Variants in DPYD observed in about 807,000 individuals in gnomAD.
DPYD encodes dihydropyrimidine dehydrogenase, also known as dihydropyrimidine dehydrogenase [NADP(+)].
In DPYD, 109 loss-of-function variants were observed where a neutral mutation model predicts 116.2. That is an observed-to-expected ratio of 0.94 (90% CI 0.80 to 1.10). The LOEUF (loss-of-function observed/expected upper bound fraction) is 1.10. Among genes scored for constraint, DPYD ranks in the 50% least tolerant of loss-of-function variants. DPYD has a pLI of 0.00. For synonymous variants in DPYD, 440 were observed against 432.0 expected (o/e 1.02, Z -0.23); for missense variants, 1,302 against 1,254.5 (o/e 1.04, Z -0.57).
At chr1:97,664,205 G>A (rs969205156) in intron 8 of DPYD, among the ~76,000 whole-genome samples, 6 of 152,106 alleles carry the variant, frequency 3.9e-5, no homozygotes, top group South Asian at 2.1e-4. Context: ...TTAAGCACAT[G>A]ACTGTTGATA....
At chr1:97,388,141 A>G (rs1442919092) in intron 14 of DPYD, among the ~76,000 whole-genome samples, 2 of 152,120 alleles carry the variant, frequency 1.3e-5, no homozygotes, top group Non-Finnish European at 2.9e-5. Flanking sequence ...AGAAAAGTAG[A>G]AATTAAGAAT....
intron 19 of DPYD, among the ~76,000 whole-genome samples, chr1:97,221,604 A>G (rs1026166830): frequency 1.3e-5 from 2 of 152,066 alleles, no homozygotes; most frequent in African/African-American, 4.8e-5. Context: ...GGTTTTCTAG[A>G]TCTCTAACTT....
chr1:97,615,683 TATC>T (rs1656219805), intron 8 of DPYD, among the ~76,000 whole-genome samples: 1 of 152,168 alleles, frequency 6.6e-6, no homozygotes, highest in Non-Finnish European at 1.5e-5. Context: ...TCTCTGTTGG[TATC>T]ATTCCCCATC....
Position 97,262,746 on chromosome 1 carries a change from C to A in DPYD, c.2300-27752G>T, listed in dbSNP as rs184988403. Among the ~76,000 whole-genome samples, 269 of 151,898 alleles carry A rather than the reference C, an allele frequency of 1.8e-3. 6 individuals carry two copies. Among genetic ancestry groups the A allele is most frequent in the East Asian group, 0.014 (71 of 5,164 alleles). On this transcript the variant is annotated intron_variant, in intron 18 of 22. Transcript: ENST00000370192. ...GGAGGTGAAAATTATAAGACATTTTCTGATAGAGAAGATAATATCAGACTT... is the reference window on the plus strand; with the variant it reads ...GGAGGTGAAAATTATAAGACATTTTATGATAGAGAAGATAATATCAGACTT...
At chr1:97,335,751 A>G (rs75267292) in intron 16 of DPYD, among the ~76,000 whole-genome samples, 4,417 of 152,302 alleles carry the variant, frequency 0.029, 102 homozygotes, top group Middle Eastern at 0.068. Context: ...TTTTAAAATA[A>G]CATATGGGAA....
At chr1:97,619,221 T>C (rs1429400722) in intron 8 of DPYD, among the ~76,000 whole-genome samples, 1 of 152,216 alleles carries the variant, frequency 6.6e-6, no homozygotes, top group East Asian at 1.9e-4. Context: ...ATAAAATATT[T>C]TCCTTTCTTT....
intron 1 of DPYD, among the ~76,000 whole-genome samples, chr1:97,894,813 T>C (rs886929167): frequency 2.0e-5 from 3 of 151,676 alleles, no homozygotes; most frequent in African/African-American, 7.2e-5. Context: ...TTTTAAAATT[T>C]CATTACTTTA....
chr1:97,422,097 G>A (rs1674617224), intron 14 of DPYD, among the ~76,000 whole-genome samples: 1 of 152,050 alleles, frequency 6.6e-6, no homozygotes, highest in Admixed American at 6.6e-5. Context: ...AGTGATATTA[G>A]GAATTAACTT....
intron 18 of DPYD, among the ~76,000 whole-genome samples, chr1:97,261,141 A>G (rs1663846773): frequency 6.6e-6 from 1 of 152,098 alleles, no homozygotes; most frequent in African/African-American, 2.4e-5. Flanking sequence ...ACGTATGACA[A>G]ACACATGACA....
chr1:97,492,277 A>G (rs1025249169), intron 13 of DPYD, among the ~76,000 whole-genome samples: 2 of 152,136 alleles, frequency 1.3e-5, no homozygotes, highest in African/African-American at 4.8e-5. Context: ...CCATAAGGAG[A>G]AACATGCTGC....
chr1:97,429,803 T>C (rs1014633964), intron 14 of DPYD, among the ~76,000 whole-genome samples: 2 of 152,108 alleles, frequency 1.3e-5, no homozygotes, highest in Non-Finnish European at 2.9e-5. Flanking sequence ...CTAAAAGATG[T>C]GCATCTGAAA....
rs533652967 is a variant in DPYD, at chr1:97,133,673, A to G, written c.2623-35041T>C. On this transcript the variant is annotated intron_variant, in intron 20 of 22. Transcript: ENST00000370192. The stretch of plus-strand genomic sequence containing the variant: ...TTGTATGAAAACTTCTATGATACAC[A>G]TTGACCTATTAGGTTACATTTTTTA... Among the ~76,000 whole-genome samples, 14 of 152,062 alleles carry G rather than the reference A, an allele frequency of 9.2e-5. No homozygotes were observed. The South Asian group carries it at 1.7e-3, about 18-fold the overall frequency.
chr1:97,267,183 C>T (rs1664294313), intron 18 of DPYD, among the ~76,000 whole-genome samples: 1 of 152,124 alleles, frequency 6.6e-6, no homozygotes, highest in Admixed American at 6.5e-5. Flanking sequence ...ACATCCTCTC[C>T]AGCATCTGTT....
At chr1:97,413,054 C>T (rs150350672) in intron 14 of DPYD, among the ~76,000 whole-genome samples, 1,956 of 152,270 alleles carry the variant, frequency 0.013, 24 homozygotes, top group South Asian at 0.023. Context: ...TTATCATATG[C>T]TACACTTTTC....
intron 20 of DPYD, among the ~76,000 whole-genome samples, chr1:97,139,450 A>G (rs557789909): frequency 1.3e-5 from 2 of 152,314 alleles, no homozygotes; most frequent in East Asian, 1.9e-4. Context: ...AATAACACTC[A>G]TAAGTTTAGA....
Position 97,216,288 on chromosome 1 carries a change from G to A in DPYD, c.2442+18564C>T, listed in dbSNP as rs974811071. 1.2e-4 allele frequency among the ~76,000 whole-genome samples: 8 copies of A among 64,948 alleles called. No individual in the cohort carries two copies. In the East Asian group the frequency reaches 0.043, roughly 353 times the overall value. 42.6% of individuals were successfully genotyped at this position (64,948 alleles called of 152,430 possible). On this transcript the variant is annotated intron_variant, in intron 19 of 22. Transcript: ENST00000370192. The stretch of plus-strand genomic sequence containing the variant: ...CATAGTTTGAGAGAGCCAAGCTTTC[G>A]AATTTTTTTTTTATTAATACTCAGA...
intron 7 of DPYD, among the ~76,000 whole-genome samples, chr1:97,684,470 T>A (rs940642165): frequency 2.6e-5 from 4 of 151,562 alleles, no homozygotes; most frequent in African/African-American, 9.7e-5. Flanking sequence ...GATTTGAGAG[T>A]AAGTGCCATA....
intron 5 of DPYD, among the ~76,000 whole-genome samples, chr1:97,716,085 T>C (rs1219252627): frequency 6.6e-6 from 1 of 152,070 alleles, no homozygotes; most frequent in Non-Finnish European, 1.5e-5. Flanking sequence ...AAGCAAAACA[T>C]AAATGTTGAT....
intron 3 of DPYD, among the ~76,000 whole-genome samples, chr1:97,762,854 G>A (rs1425358374): frequency 1.3e-5 from 2 of 152,016 alleles, no homozygotes; most frequent in Non-Finnish European, 1.5e-5. Flanking sequence ...AAGTAAAATG[G>A]ACTTAGATTC....
Sources: allele counts gnomAD v4.1 joint callset (sites outside exome capture counted in the v4.1 genomes callset), GRCh38; gene constraint gnomAD v4.1.1; transcripts MANE v1.5; gene names NCBI Gene and HGNC (gene_info 2026-07-23, HGNC 2026-07-21).